The following SH3BP1 variants were observed in gnomAD, a reference collection of about 807,000 sequenced individuals.
The protein encoded by SH3BP1 is SH3 domain-binding protein 1.
In SH3BP1, 46 loss-of-function variants were observed where a neutral mutation model predicts 69.8. That is an observed-to-expected ratio of 0.66 (90% CI 0.52 to 0.84). The LOEUF (loss-of-function observed/expected upper bound fraction) is 0.84. Among genes scored for constraint, SH3BP1 ranks in the 40% least tolerant of loss-of-function variants. The pLI is 0.00. For synonymous variants in SH3BP1, 403 were observed against 378.0 expected (o/e 1.07, Z -0.77); for missense variants, 868 against 930.9 (o/e 0.93, Z 0.88).
In SH3BP1 at chr22:37,650,734, T is replaced by C. The variant is rs1932864143; in HGVS notation, c.1598+9T>C. 6 of 1,597,178 alleles carry C rather than the reference T, an allele frequency of 3.8e-6. No individual in the cohort carries two copies. In the East Asian group the frequency reaches 1.3e-4, roughly 36 times the overall value. ...GCAGCTACCAAGGAAAGGTGAGGAC[T>C]GAGGGGCTTGAATGGCTCCTGTGGT... On this transcript the variant is annotated intron_variant, in intron 16 of 17. Transcript: ENST00000649765.
At position 37,648,571 on chromosome 22, in the gene SH3BP1, C is replaced by T. The variant is rs746156907; in HGVS notation, c.1316+136C>T. The T allele has an allele frequency of 2.6e-4, 175 of 669,382 alleles. 1 individual carries two copies. Among genetic ancestry groups the T allele is most frequent in the Middle Eastern group, 1.6e-3 (4 of 2,524 alleles). 41.5% of individuals were successfully genotyped at this position (669,382 alleles called of 1,614,324 possible). ...GAGCAGCTCCTGTTTTTGAGGCTGC[C>T]GTGAGGAACAGGCCAAAGGGGCTGT... On this transcript the variant is annotated intron_variant, in intron 14 of 17. Transcript: ENST00000649765.
chr22:37,643,082 C>A lies in SH3BP1; in HGVS notation c.397-16C>A, dbSNP rs202167336. On this transcript the variant is annotated splice_polypyrimidine_tract_variant and intron_variant, in intron 5 of 17. Transcript: ENST00000649765. ...CTCCTCCCCCAGCACACTGACCCCC[C>A]CATGCCCATCCCCAGGAGGAGCTGC... 415 of 1,610,542 alleles carry A rather than the reference C, an allele frequency of 2.6e-4. 2 individuals carry two copies. In the African/African-American group the frequency reaches 4.9e-3, roughly 19 times the overall value.
Position 37,650,746 on chromosome 22 carries a change from A to G in SH3BP1, c.1598+21A>G, listed in dbSNP as rs376761380. ...GAAAGGTGAGGACTGAGGGGCTTGA[A>G]TGGCTCCTGTGGTACTCCCACAATC... is the stretch of plus-strand genomic sequence containing the variant. On this transcript the variant is annotated intron_variant, in intron 16 of 17. Coordinates refer to ENST00000649765, the MANE Select transcript of SH3BP1 (RefSeq NM_018957.6). The G allele has an allele frequency of 1.0e-4, 158 of 1,585,324 alleles. 1 individual carries two copies. Among genetic ancestry groups the G allele is most frequent in the African/African-American group, 9.0e-4 (67 of 74,396 alleles).
intron 9 of SH3BP1, 50 bp from the exon 10 acceptor site, chr22:37,645,315 C>T (rs553251092): frequency 3.8e-6 from 6 of 1,566,630 alleles, no homozygotes; most frequent in Non-Finnish European, 5.2e-6. Flanking sequence ...CCCTGCCTGA[C>T]TGCTCGGGGT....
chr22:37,647,585 TG>T, intron 13 of SH3BP1, 64 bp downstream of exon 13: 1 of 1,331,340 alleles, frequency 7.5e-7, no homozygotes. Flanking sequence ...TCACGGACCC[TG>T]GGACCCTGGG....
chr22:37,645,589 C>T (rs1466245414), intron 10 of SH3BP1, 79 bp downstream of exon 10: 16 of 1,497,258 alleles, frequency 1.1e-5, no homozygotes, highest in Middle Eastern at 4.0e-4. Context: ...CTGCCCTTTC[C>T]GGGTGCCTGT....
At chr22:37,641,197 G>A in intron 2 of SH3BP1, 29 bp downstream of exon 2, 1 of 1,548,692 alleles carries the variant, frequency 6.5e-7, no homozygotes, top group Non-Finnish European at 8.7e-7. Context: ...CAGGTGGGAA[G>A]GCAGGCCTGT....
rs576549641 is a variant in SH3BP1 at position 37,649,931 on chromosome 22, AG to A, written c.1317-219del. 2.7e-4 allele frequency: 176 copies of A among 654,446 alleles called. 1 individual carries two copies. The African/African-American group carries it at 2.7e-3, about 10-fold the overall frequency. 40.5% of individuals were successfully genotyped at this position (654,446 alleles called of 1,614,324 possible). On this transcript the variant is annotated intron_variant, in intron 14 of 17. Coordinates refer to ENST00000649765, the MANE Select transcript of SH3BP1 (RefSeq NM_018957.6). ...AGAGGCTGTCCAGATCACAACTATG[AG>A]GAAAAGGGTCCTTGATTAATTAGTG...
intron 9 of SH3BP1, 58 bp from the exon 10 acceptor site, chr22:37,645,307 C>T: frequency 6.4e-7 from 1 of 1,559,416 alleles, no homozygotes; most frequent in Non-Finnish European, 8.7e-7. Flanking sequence ...GGGGGTGCCC[C>T]TGCCTGACTG....
At position 37,655,529 on chromosome 22, in the gene SH3BP1, T is replaced by C; in HGVS notation, c.1951T>C (p.Ser651Pro). ...CAGCCCGGCCTCCCCAGGTCCAGCCTCCCCCAGCCCAGTCTCTTTGAGTAA... is the reference window on the plus strand; with the variant it reads ...CAGCCCGGCCTCCCCAGGTCCAGCCCCCCCCAGCCCAGTCTCTTTGAGTAA... ...SPSPASPGPA[S>P]PSPVSLSNPA... is the part of the protein sequence containing the mutation. Residue 651 changes from serine (S) to proline (P), a missense_variant, in exon 18 of 18, where the codon TCC becomes CCC. Coordinates refer to ENST00000649765, the MANE Select transcript of SH3BP1 (RefSeq NM_018957.6). 6.7e-7 allele frequency: 1 copy of C among 1,487,642 alleles called. No homozygotes were observed. Among genetic ancestry groups the C allele is most frequent in the Admixed American group, 2.0e-5 (1 of 49,232 alleles). 92.2% of individuals were successfully genotyped at this position (1,487,642 alleles called of 1,614,324 possible).
At chr22:37,651,794 G>C (rs9622670) in intron 16 of SH3BP1, among the ~76,000 whole-genome samples, 60,407 of 151,758 alleles carry the variant, frequency 0.4, 13,101 homozygotes, top group Middle Eastern at 0.54. Context: ...GGGAGAGAGA[G>C]AGACAGCATC....
At chr22:37,650,457 CA>C in intron 15 of SH3BP1, 84 bp from the exon 16 acceptor site, 1 of 1,533,624 alleles carries the variant, frequency 6.5e-7, no homozygotes, top group African/African-American at 1.4e-5. Flanking sequence ...CAGATGGGTT[CA>C]GGGGAAGGGG....
chr22:37,655,254 C>T lies in SH3BP1; in HGVS notation c.1694-18C>T. ...CACGTGGACACTCAGCCTCCCTCAC[C>T]CTTTCCTTCCTCAACAGCCAAGCGC... On this transcript the variant is annotated intron_variant, in intron 17 of 17. Coordinates refer to ENST00000649765, the MANE Select transcript of SH3BP1 (RefSeq NM_018957.6). 1 of 1,574,682 alleles carries T rather than the reference C, an allele frequency of 6.4e-7. No homozygotes were observed. The highest frequency in any genetic ancestry group is 8.6e-7 in the Non-Finnish European group (1 of 1,162,752).
chr22:37,640,088 T>G (rs1932528780), intron 1 of SH3BP1, among the ~76,000 whole-genome samples: 1 of 152,160 alleles, frequency 6.6e-6, no homozygotes, highest in Non-Finnish European at 1.5e-5. Context: ...TGGAGGGGGC[T>G]TCAGGCGGGA....
At position 37,650,599 on chromosome 22, in the gene SH3BP1, G is replaced by A; in HGVS notation, c.1472G>A (p.Ser491Asn). Residue 491 changes from serine to asparagine, a missense_variant, in exon 16 of 18, where the codon AGT becomes AAT. By Grantham distance (46) the Ser-to-Asn change is conservative. Around this residue, in one of 3 missense-constraint regions of SH3BP1, gnomAD observed 474 missense variants for 462.3 expected, o/e 1.03. Coordinates refer to ENST00000649765, the MANE Select transcript of SH3BP1 (RefSeq NM_018957.6). ...GCTGTTACCCTCCAGGACACAGTCA[G>A]TGACAGGCTGGCCTCTGAGGAACTT... The part of the protein sequence containing the change: ...FSAVTLQDTV[S>N]DRLASEELPS... 1 of 1,614,098 alleles carries A rather than the reference G, an allele frequency of 6.2e-7. No individual in the cohort carries two copies. Among genetic ancestry groups the A allele is most frequent in the Non-Finnish European group, 8.5e-7 (1 of 1,180,024 alleles).
intron 11 of SH3BP1, 36 bp downstream of exon 11, chr22:37,646,965 G>A (rs145479470): frequency 8.4e-5 from 117 of 1,397,868 alleles, no homozygotes; most frequent in East Asian, 4.3e-4. Context: ...AGGAGGTTGG[G>A]GGGGAGGGGG....
intron 10 of SH3BP1, 180 bp from the exon 11 acceptor site, chr22:37,646,638 T>C: frequency 2.3e-6 from 1 of 427,950 alleles, no homozygotes; most frequent in Non-Finnish European, 4.1e-6. Flanking sequence ...TGCCCTTTGC[T>C]CAGAATTCTA....
At position 37,643,152 on chromosome 22, in the gene SH3BP1, G is replaced by A. The variant is rs1307811453; in HGVS notation, c.451G>A (p.Asp151Asn). 1.9e-6 allele frequency: 3 copies of A among 1,606,908 alleles called. No individual in the cohort carries two copies. The highest frequency in any genetic ancestry group is 1.7e-4 in the Middle Eastern group (1 of 6,050). The change falls in exon 6 of 18, where the codon GAC becomes AAC. Residue 151 changes from aspartate (D) to asparagine (N), a missense_variant. Coordinates refer to ENST00000649765, the MANE Select transcript of SH3BP1 (RefSeq NM_018957.6). ...HKKSLQKLVS[D>N]WNTLKSRLSQ... ...GAAAAGCCTCCAGAAGCTCGTGTCC[G>A]ACTGGAACACACTCAAGAGCAGGTG...
chr22:37,643,115 C>T lies in SH3BP1; in HGVS notation c.414C>T (p.Ile138=), dbSNP rs200926158. 9.3e-6 allele frequency: 15 copies of T among 1,611,796 alleles called. No homozygotes were observed. In the East Asian group the frequency reaches 3.1e-4, roughly 34 times the overall value. The change falls in exon 6 of 18, where the codon ATC becomes ATT. Residue 138 remains isoleucine (I), a synonymous_variant. Coordinates refer to ENST00000649765, the MANE Select transcript of SH3BP1 (RefSeq NM_018957.6). Reference sequence around the variant, plus strand: ...ATCCCCAGGAGGAGCTGCCAGCCATCCTCAAACACAAGAAAAGCCTCCAGA... The same window carrying T: ...ATCCCCAGGAGGAGCTGCCAGCCATTCTCAAACACAAGAAAAGCCTCCAGA... ...SRLSEEELPA[I]LKHKKSLQKL... is the part of the protein sequence containing the mutation.
Sources: allele counts gnomAD v4.1 joint callset (sites outside exome capture counted in the v4.1 genomes callset), GRCh38; gene constraint gnomAD v4.1.1; regional missense constraint gnomAD v4.1.1; transcripts MANE v1.5; gene names NCBI Gene and HGNC (gene_info 2026-07-23, HGNC 2026-07-21).